COL8A1: variants seen among roughly 807,000 people sequenced by gnomAD.
The protein encoded by COL8A1 is collagen type VIII alpha 1 chain.
A neutral mutation model predicts 42.7 loss-of-function variants in COL8A1; 21 were observed. That is an observed-to-expected ratio of 0.49 (90% CI 0.35 to 0.71). The LOEUF (loss-of-function observed/expected upper bound fraction) is 0.71. Among genes scored for constraint, COL8A1 ranks in the 30% least tolerant of loss-of-function variants. The pLI is 0.01. For synonymous variants in COL8A1, 367 were observed against 369.1 expected, an observed-to-expected ratio of 0.99 and a Z score of 0.06; for missense variants, 788 against 962.4, an observed-to-expected ratio of 0.82 and a Z score of 2.40.
At chr3:99,749,368 TAACTC>T (rs1482081249) in intron 2 of COL8A1, among the ~76,000 whole-genome samples, 1 of 152,194 alleles carries the variant, frequency 6.6e-6, no homozygotes, top group Non-Finnish European at 1.5e-5. Flanking sequence ...TTTAAAATCA[TAACTC>T]AACCTATCAT....
intron 1 of COL8A1, among the ~76,000 whole-genome samples, chr3:99,721,399 A>G (rs79611082): frequency 0.076 from 10,660 of 139,494 alleles, 507 homozygotes; most frequent in Middle Eastern, 0.11. Context: ...GGAAAGGAAA[A>G]AGGAAAAGGG....
Position 99,790,899 on chromosome 3 carries a change from G to A in COL8A1, c.217G>A (p.Glu73Lys). 1 of 1,614,140 alleles carries A rather than the reference G, an allele frequency of 6.2e-7. No individual in the cohort carries two copies. Among genetic ancestry groups the A allele is most frequent in the Non-Finnish European group, 8.5e-7 (1 of 1,179,944 alleles). Residue 73 changes from glutamate to lysine, a missense_variant, in exon 3 of 4, where the codon GAG (glutamate) becomes AAG (lysine). By Grantham distance (56) the Glu-to-Lys change is moderately conservative (BLOSUM62 1). This residue lies in a region of COL8A1 where 421 missense variants were observed against 553.1 expected (regional missense o/e 0.76). Coordinates refer to ENST00000652472, the MANE Select transcript of COL8A1 (RefSeq NM_020351.4). Reference protein sequence around the residue: ...LAKDGLAMGKEMPHLQYGKEY... With the variant: ...LAKDGLAMGKKMPHLQYGKEY... Reference sequence around the variant, plus strand: ...CAAAGATGGCCTTGCCATGGGCAAGGAGATGCCCCACTTGCAGTATGGCAA... The same window carrying A: ...CAAAGATGGCCTTGCCATGGGCAAGAAGATGCCCCACTTGCAGTATGGCAA...
chr3:99,659,732 G>C (rs1230519364), intron 1 of COL8A1, among the ~76,000 whole-genome samples: 1 of 151,994 alleles, frequency 6.6e-6, no homozygotes. Context: ...TGTCCTTTAT[G>C]ATCATGTCCA....
At chr3:99,643,715 C>T (rs1302694844) in intron 1 of COL8A1, among the ~76,000 whole-genome samples, 1 of 152,192 alleles carries the variant, frequency 6.6e-6, no homozygotes, top group Non-Finnish European at 1.5e-5. Flanking sequence ...AATATTCTCA[C>T]TAGTTCTTCC....
intron 1 of COL8A1, among the ~76,000 whole-genome samples, chr3:99,708,655 T>C (rs1262986845): frequency 2.0e-5 from 3 of 152,182 alleles, no homozygotes; most frequent in Admixed American, 2.0e-4. Context: ...GTATTTTACA[T>C]GTTAGTTGAT....
At chr3:99,720,333 A>T (rs770125731) in intron 1 of COL8A1, among the ~76,000 whole-genome samples, 12 of 151,106 alleles carry the variant, frequency 7.9e-5, no homozygotes, top group Non-Finnish European at 1.8e-4. Context: ...TGAATGACAG[A>T]TGGAAAATTT....
chr3:99,740,955 ATAT>A (rs1281873243), intron 1 of COL8A1, among the ~76,000 whole-genome samples: 2 of 152,170 alleles, frequency 1.3e-5, no homozygotes, highest in African/African-American at 4.8e-5. Flanking sequence ...AACATTTTCT[ATAT>A]TATTTACCTT....
chr3:99,754,881 G>A (rs957297750), intron 2 of COL8A1, among the ~76,000 whole-genome samples: 1 of 152,168 alleles, frequency 6.6e-6, no homozygotes, highest in Non-Finnish European at 1.5e-5. Context: ...ACAGTACTAG[G>A]TTTCTTTGCA....
chr3:99,754,710 TGAGG>T (rs1462198551), intron 2 of COL8A1, among the ~76,000 whole-genome samples: 3 of 152,204 alleles, frequency 2.0e-5, no homozygotes, highest in African/African-American at 7.2e-5. Context: ...GCCAGTGGAT[TGAGG>T]TTCAACCCCC....
At position 99,798,219 on chromosome 3, in the gene COL8A1, AT is replaced by A. The variant is rs1174689965; in HGVS notation, c.*2085del. The A allele has an allele frequency of 6.6e-6, 1 of 152,224 alleles. No individual in the cohort carries two copies. The highest frequency in any genetic ancestry group is 1.5e-5 in the Non-Finnish European group (1 of 68,046). The allele number at this position is 152,224 out of a possible 1,614,324, so 9.4% of individuals were successfully genotyped here. A position where few individuals can be genotyped will look rare whatever the true frequency, so the allele number is the denominator to read the frequency against. ...TTCTTCTCAATTTTTAAGAAGAGAA[AT>A]TAGTCCATTACCACAGGGGTTCTTG... On this transcript the variant is annotated 3_prime_UTR_variant, in exon 4 of 4. Transcript: ENST00000652472.
At chr3:99,727,225 G>C (rs1330632856) in intron 1 of COL8A1, among the ~76,000 whole-genome samples, 1 of 151,950 alleles carries the variant, frequency 6.6e-6, no homozygotes, top group Admixed American at 6.6e-5. Flanking sequence ...GTCTGTTATT[G>C]GTGTATAAGA....
chr3:99,750,049 CT>C (rs1176042144), intron 2 of COL8A1, among the ~76,000 whole-genome samples: 9,808 of 66,206 alleles, frequency 0.15, 102 homozygotes, highest in African/African-American at 0.2. Flanking sequence ...TTTTTTTCTT[CT>C]TTTTTTTTTT....
intron 2 of COL8A1, among the ~76,000 whole-genome samples, chr3:99,768,317 C>T (rs572465113): frequency 1.3e-5 from 2 of 152,280 alleles, no homozygotes; most frequent in Middle Eastern, 3.4e-3. Context: ...CTGTTGATAG[C>T]AAATAGGACT....
rs1001033841 is a variant in COL8A1, at chr3:99,648,659, C to T, written c.-129+9995C>T. ...GAAGACAAGTTGCTTGGCACCAATCCGGTAAAAAGAATGACAGTCTAGCAT... is the reference window on the plus strand; with the variant it reads ...GAAGACAAGTTGCTTGGCACCAATCTGGTAAAAAGAATGACAGTCTAGCAT... On this transcript the variant is annotated intron_variant, in intron 1 of 3. Transcript: ENST00000652472. 4.2e-4 allele frequency among the ~76,000 whole-genome samples: 64 copies of T among 152,098 alleles called. 1 individual carries two copies. Among genetic ancestry groups the T allele is most frequent in the South Asian group, 4.2e-4 (2 of 4,814 alleles).
intron 1 of COL8A1, among the ~76,000 whole-genome samples, chr3:99,641,248 C>T (rs968156420): frequency 6.6e-6 from 1 of 152,140 alleles, no homozygotes; most frequent in African/African-American, 2.4e-5. Flanking sequence ...CGAAACGCAA[C>T]TTCTCCCAAC....
At chr3:99,748,856 G>A (rs775338649) in intron 2 of COL8A1, among the ~76,000 whole-genome samples, 21 of 152,182 alleles carry the variant, frequency 1.4e-4, no homozygotes, top group African/African-American at 2.4e-4. Context: ...ATTTTATACC[G>A]TTGAATACTT....
intron 1 of COL8A1, among the ~76,000 whole-genome samples, chr3:99,658,431 T>A (rs1261510079): frequency 2.0e-5 from 3 of 152,204 alleles, no homozygotes; most frequent in Non-Finnish European, 4.4e-5. Flanking sequence ...CTGGCCTAGA[T>A]AAAGTGGCCC....
intron 2 of COL8A1, 89 bp from the exon 3 acceptor site, chr3:99,790,591 C>CT (rs1177249889): frequency 1.2e-4 from 127 of 1,040,854 alleles, no homozygotes; most frequent in Non-Finnish European, 1.6e-4. Context: ...GACTGTTTCC[C>CT]TTTTTTTTCC....
intron 1 of COL8A1, among the ~76,000 whole-genome samples, chr3:99,712,892 CCTTT>C (rs567351076): frequency 4.7e-4 from 71 of 152,194 alleles, no homozygotes; most frequent in African/African-American, 1.5e-3. Context: ...ACTTGAGATG[CCTTT>C]CTTTCTCTAC....
Sources: allele counts gnomAD v4.1 joint callset (sites outside exome capture counted in the v4.1 genomes callset), GRCh38; gene constraint gnomAD v4.1.1; regional missense constraint gnomAD v4.1.1; transcripts MANE v1.5; gene names NCBI Gene and HGNC (gene_info 2026-07-23, HGNC 2026-07-21).